SYN3: variants seen among roughly 807,000 people sequenced by gnomAD.
SYN3 encodes the protein synapsin-3.
In SYN3, 35 loss-of-function variants were observed where a neutral mutation model predicts 65.8. That is an observed-to-expected ratio of 0.53 (90% CI 0.41 to 0.70). The LOEUF is 0.70. SYN3 is among the 30% of genes least tolerant of loss of function. SYN3 has a pLI of 0.00. For synonymous variants in SYN3, 270 were observed against 292.9 expected, an observed-to-expected ratio of 0.92 and a Z score of 0.80; for missense variants, 680 against 749.0, an observed-to-expected ratio of 0.91 and a Z score of 1.08.
intron 6 of SYN3, among the ~76,000 whole-genome samples, chr22:32,684,739 A>G (rs2060568155): frequency 6.6e-6 from 1 of 152,214 alleles, no homozygotes. Context: ...CGTTCATGAA[A>G]AGGGGCTCAT....
chr22:32,715,261 C>T (rs12170368), intron 6 of SYN3, among the ~76,000 whole-genome samples: 7,379 of 152,258 alleles, frequency 0.048, 197 homozygotes, highest in South Asian at 0.068. Context: ...CAGCACACTA[C>T]TAAAGTAATT....
intron 4 of SYN3, among the ~76,000 whole-genome samples, chr22:32,890,344 G>C (rs1190023839): frequency 1.3e-5 from 2 of 151,952 alleles, no homozygotes; most frequent in African/African-American, 4.8e-5. Context: ...CCAAATGCTG[G>C]GGTTACAGGT....
intron 9 of SYN3, among the ~76,000 whole-genome samples, chr22:32,535,008 G>C (rs958233076): frequency 4.0e-5 from 6 of 151,812 alleles, no homozygotes; most frequent in Admixed American, 3.9e-4. Context: ...TGGAGCTCCT[G>C]GTATGTTCCA....
At chr22:32,739,173 C>CGG (rs367627898) in intron 6 of SYN3, among the ~76,000 whole-genome samples, 314 of 128,362 alleles carry the variant, frequency 2.4e-3, no homozygotes, top group Non-Finnish European at 3.9e-3. Context: ...AATTGAATCA[C>CGG]AGGGGGGGGG....
chr22:32,809,673 C>T (rs963187243), intron 6 of SYN3, among the ~76,000 whole-genome samples: 4 of 152,216 alleles, frequency 2.6e-5, no homozygotes, highest in Non-Finnish European at 4.4e-5. Flanking sequence ...ACTAGCCAGT[C>T]ATTATTCTGA....
At chr22:32,874,549 T>C (rs966258607) in intron 4 of SYN3, among the ~76,000 whole-genome samples, 4 of 152,208 alleles carry the variant, frequency 2.6e-5, no homozygotes, top group African/African-American at 9.6e-5. Context: ...TTCTCTCAAA[T>C]ATGCAGAGGT....
At chr22:33,036,544 C>T (rs752670938) in intron 1 of SYN3, among the ~76,000 whole-genome samples, 1 of 152,122 alleles carries the variant, frequency 6.6e-6, no homozygotes. Flanking sequence ...ATCTATATAA[C>T]GAACTTTACT....
intron 3 of SYN3, among the ~76,000 whole-genome samples, chr22:32,946,730 A>G (rs942534745): frequency 2.6e-5 from 4 of 152,174 alleles, no homozygotes; most frequent in African/African-American, 9.7e-5. Flanking sequence ...AGAAAAAAAG[A>G]CCCCATGCCA....
At chr22:32,867,165 C>A (rs192681868) in intron 5 of SYN3, among the ~76,000 whole-genome samples, 114 of 152,316 alleles carry the variant, frequency 7.5e-4, no homozygotes, top group African/African-American at 2.6e-3. Flanking sequence ...AGAGAGATAG[C>A]AAAACACCAC....
intron 6 of SYN3, among the ~76,000 whole-genome samples, chr22:32,634,923 T>A (rs1487485693): frequency 1.4e-5 from 2 of 146,898 alleles, no homozygotes; most frequent in African/African-American, 2.7e-5. Context: ...CATTATGAGA[T>A]TTTTTTTGCA....
At chr22:32,972,318 A>G (rs2052044617) in intron 3 of SYN3, among the ~76,000 whole-genome samples, 1 of 152,240 alleles carries the variant, frequency 6.6e-6, no homozygotes, top group South Asian at 2.1e-4. Context: ...AACAAGAATG[A>G]GGCAGGTCTG....
chr22:32,576,457 A>T (rs1411404969), intron 7 of SYN3, among the ~76,000 whole-genome samples: 1 of 152,226 alleles, frequency 6.6e-6, no homozygotes, highest in Non-Finnish European at 1.5e-5. Context: ...TACGAAGCAC[A>T]GGGCCTGGCA....
intron 6 of SYN3, among the ~76,000 whole-genome samples, chr22:32,724,610 T>C (rs1167985223): frequency 6.6e-6 from 1 of 152,206 alleles, no homozygotes; most frequent in East Asian, 1.9e-4. Flanking sequence ...TGACAAATAG[T>C]AAGAGCTCAA....
rs552517480 is a variant in SYN3, at chr22:32,508,421, C to T, written c.*5271G>A. On this transcript the variant is annotated 3_prime_UTR_variant, in exon 14 of 14. Transcript: ENST00000358763. Reference sequence around the variant, plus strand: ...TGCTGACTCTCTTTTCGGACTCATCCGGCCTGCACCCAGGTGAAATAAACA... The same window carrying T: ...TGCTGACTCTCTTTTCGGACTCATCTGGCCTGCACCCAGGTGAAATAAACA... Among the ~76,000 whole-genome samples, 46 of 152,258 alleles carry T rather than the reference C, an allele frequency of 3.0e-4. No individual in the cohort carries two copies. The highest frequency in any genetic ancestry group is 1.1e-3 in the African/African-American group (44 of 41,578).
At chr22:32,695,505 C>T (rs1005827497) in intron 6 of SYN3, among the ~76,000 whole-genome samples, 1 of 152,186 alleles carries the variant, frequency 6.6e-6, no homozygotes, top group East Asian at 1.9e-4. Context: ...ATATGCTCTT[C>T]CCTGGGGACA....
At chr22:32,601,834 G>A (rs1477418746) in intron 6 of SYN3, among the ~76,000 whole-genome samples, 2 of 152,206 alleles carry the variant, frequency 1.3e-5, no homozygotes, top group Non-Finnish European at 2.9e-5. Context: ...TGAAGGGCCA[G>A]GGGCCAGTTT....
At chr22:32,595,744 TAGTG>T (rs1332321145) in intron 7 of SYN3, among the ~76,000 whole-genome samples, 1 of 152,134 alleles carries the variant, frequency 6.6e-6, no homozygotes, top group African/African-American at 2.4e-5. Context: ...GTTCTTGTAA[TAGTG>T]AGTGAGTTCT....
chr22:32,820,267 C>CGT (rs770967826), intron 6 of SYN3, among the ~76,000 whole-genome samples: 3 of 143,346 alleles, frequency 2.1e-5, no homozygotes, highest in Non-Finnish European at 3.1e-5. Flanking sequence ...TGTGTGCGTG[C>CGT]GCGTGTGTGT....
chr22:32,952,660 C>T (rs762919871), intron 3 of SYN3, among the ~76,000 whole-genome samples: 3 of 151,980 alleles, frequency 2.0e-5, no homozygotes, highest in Admixed American at 6.6e-5. Context: ...GGACTCGAAG[C>T]GGAAGGCTCA....
Sources: allele counts gnomAD v4.1 joint callset (sites outside exome capture counted in the v4.1 genomes callset), GRCh38; gene constraint gnomAD v4.1.1; transcripts MANE v1.5; gene names NCBI Gene and HGNC (gene_info 2026-07-23, HGNC 2026-07-21).